Variants in PRDM5 observed in about 807,000 individuals in gnomAD.
PRDM5 encodes PR/SET domain 5, also known as PR domain zinc finger protein 5.
In PRDM5, 56 loss-of-function variants were observed where a neutral mutation model predicts 81.2. That is an observed-to-expected ratio of 0.69 (90% CI 0.56 to 0.86). The LOEUF (loss-of-function observed/expected upper bound fraction) is 0.86. PRDM5 is among the 40% of genes least tolerant of loss of function. The pLI is 0.00. For missense variants in PRDM5, 697 were observed against 770.1 expected (o/e 0.91, Z 1.12); for synonymous variants, 267 against 256.4 (o/e 1.04, Z -0.39).
At chr4:120,777,396 G>A in intron 12 of PRDM5, 115 bp from the exon 13 acceptor site, 3 of 1,518,130 alleles carry the variant, frequency 2.0e-6, no homozygotes, top group Non-Finnish European at 2.7e-6. Flanking sequence ...TCATTAAAAT[G>A]ATTTAATTTC....
At chr4:120,871,594 T>G (rs1290796463) in intron 2 of PRDM5, among the ~76,000 whole-genome samples, 2 of 152,192 alleles carry the variant, frequency 1.3e-5, no homozygotes, top group Non-Finnish European at 1.5e-5. Flanking sequence ...AGTAAGATAT[T>G]TGCATATAGG....
At chr4:120,816,138 A>G (rs578181926) in intron 7 of PRDM5, 42 of 328,174 alleles carry the variant, frequency 1.3e-4, no homozygotes, top group African/African-American at 8.5e-4. Flanking sequence ...GAAATGTCAC[A>G]TGCCAAAACA....
chr4:120,769,484 A>T (rs1184595449), intron 13 of PRDM5, among the ~76,000 whole-genome samples: 1 of 152,168 alleles, frequency 6.6e-6, no homozygotes, highest in Admixed American at 6.5e-5. Flanking sequence ...GAATGTAAAC[A>T]GTGAGGGGTC....
chr4:120,764,851 T>C (rs192515252), intron 13 of PRDM5, among the ~76,000 whole-genome samples: 3 of 152,314 alleles, frequency 2.0e-5, no homozygotes, highest in Admixed American at 1.3e-4. Context: ...TTGATTTGGT[T>C]TAATGTTAGT....
chr4:120,798,757 T>C (rs983462913), intron 9 of PRDM5, among the ~76,000 whole-genome samples: 4 of 152,150 alleles, frequency 2.6e-5, no homozygotes, highest in Non-Finnish European at 4.4e-5. Flanking sequence ...ATACAGAAAG[T>C]GACCTGACAG....
At chr4:120,686,824 CA>C (rs1359699125) in intron 1 of PRDM5, among the ~76,000 whole-genome samples, 1 of 151,742 alleles carries the variant, frequency 6.6e-6, no homozygotes, top group Admixed American at 6.6e-5. Flanking sequence ...TCATCAGATA[CA>C]AAAATTTATA....
chr4:120,861,271 G>C (rs1157978764), intron 2 of PRDM5, among the ~76,000 whole-genome samples: 1 of 152,168 alleles, frequency 6.6e-6, no homozygotes, highest in Non-Finnish European at 1.5e-5. Flanking sequence ...GCCTTCCAAA[G>C]TGCTGGGATT....
chr4:120,735,500 T>C (rs1320853605), intron 14 of PRDM5, among the ~76,000 whole-genome samples: 12 of 152,114 alleles, frequency 7.9e-5, no homozygotes, highest in East Asian at 3.9e-4. Context: ...TACAGGACAC[T>C]GGCCTTTGTG....
chr4:120,893,031 A>G (rs1441099103), intron 2 of PRDM5, among the ~76,000 whole-genome samples: 1 of 152,228 alleles, frequency 6.6e-6, no homozygotes, highest in East Asian at 1.9e-4. Context: ...TTGAGGCTAC[A>G]GTGCCAGTGG....
chr4:120,800,849 A>G (rs1304188312), intron 8 of PRDM5, among the ~76,000 whole-genome samples: 1 of 152,198 alleles, frequency 6.6e-6, no homozygotes, highest in African/African-American at 2.4e-5. Flanking sequence ...ATGTATTTAA[A>G]AAATACAATA....
chr4:120,747,239 T>A (rs1297304025), intron 14 of PRDM5, among the ~76,000 whole-genome samples: 5 of 138,854 alleles, frequency 3.6e-5, no homozygotes, highest in South Asian at 2.3e-4. Flanking sequence ...AACAATGAGA[T>A]CACATGGACA....
intron 14 of PRDM5, among the ~76,000 whole-genome samples, chr4:120,713,638 A>C (rs754020338): frequency 1.3e-5 from 2 of 152,178 alleles, no homozygotes; most frequent in Non-Finnish European, 2.9e-5. Context: ...TGTATGTTTA[A>C]AACTAAAGTT....
At chr4:120,842,152 G>C (rs1239903183) in intron 3 of PRDM5, among the ~76,000 whole-genome samples, 1 of 152,128 alleles carries the variant, frequency 6.6e-6, no homozygotes, top group Non-Finnish European at 1.5e-5. Flanking sequence ...TCTGTAAAAA[G>C]ACTTTTGACA....
chr4:120,778,705 T>C (rs1748554634), intron 12 of PRDM5, among the ~76,000 whole-genome samples: 1 of 152,154 alleles, frequency 6.6e-6, no homozygotes. Context: ...TCAACTACCA[T>C]GCTAGCCAAC....
At chr4:120,839,625 A>G (rs1380337107) in intron 3 of PRDM5, among the ~76,000 whole-genome samples, 1 of 152,146 alleles carries the variant, frequency 6.6e-6, no homozygotes, top group Admixed American at 6.5e-5. Context: ...AAGGCACCAC[A>G]AGTTCCCATT....
chr4:120,915,445 G>A (rs1175838415), intron 1 of PRDM5, among the ~76,000 whole-genome samples: 1 of 133,032 alleles, frequency 7.5e-6, no homozygotes, highest in Admixed American at 8.0e-5. Flanking sequence ...CTCCCCATGT[G>A]AGAGAGGTTT....
At chr4:120,760,768 A>G (rs553798932) in intron 13 of PRDM5, among the ~76,000 whole-genome samples, 2 of 151,954 alleles carry the variant, frequency 1.3e-5, no homozygotes, top group Non-Finnish European at 2.9e-5. Flanking sequence ...TTTAGCACAT[A>G]CCATCTTCTA....
chr4:120,701,672 GAGA>G (rs2149001096), intron 15 of PRDM5, among the ~76,000 whole-genome samples: 1 of 152,268 alleles, frequency 6.6e-6, no homozygotes, highest in East Asian at 1.9e-4. Context: ...TAGTAGAGCA[GAGA>G]AGGAGGGGAG....
chr4:120,749,768 T>C (rs1378635970), intron 14 of PRDM5, among the ~76,000 whole-genome samples: 3 of 152,206 alleles, frequency 2.0e-5, no homozygotes, highest in Non-Finnish European at 2.9e-5. Context: ...AGACAGAACC[T>C]GACTACGTAT....
Sources: allele counts gnomAD v4.1 joint callset (sites outside exome capture counted in the v4.1 genomes callset), GRCh38; gene constraint gnomAD v4.1.1; transcripts MANE v1.5; gene names NCBI Gene and HGNC (gene_info 2026-07-23, HGNC 2026-07-21).